GPC5: variants seen among roughly 807,000 people sequenced by gnomAD.
GPC5 encodes the protein glypican 5, also known as glypican-5.
A neutral mutation model predicts 53.9 loss-of-function variants in GPC5; 47 were observed. That is an observed-to-expected ratio of 0.87 (90% CI 0.69 to 1.11). The LOEUF (loss-of-function observed/expected upper bound fraction) is 1.11. GPC5 is among the 50% of genes most tolerant of loss of function. The probability of loss-of-function intolerance (pLI) is 0.00; values close to 1 mark genes in which losing one functional copy is unlikely to be tolerated. For synonymous variants in GPC5, 286 were observed against 263.3 expected, an observed-to-expected ratio of 1.09 and a Z score of -0.84; for missense variants, 748 against 713.1, an observed-to-expected ratio of 1.05 and a Z score of -0.56.
intron 7 of GPC5, among the ~76,000 whole-genome samples, chr13:92,745,821 G>A (rs576076805): frequency 6.6e-6 from 1 of 152,050 alleles, no homozygotes; most frequent in Non-Finnish European, 1.5e-5. Context: ...TCTCTACATG[G>A]ATTCTGTAAA....
At chr13:91,929,812 A>AT (rs997658410) in intron 6 of GPC5, among the ~76,000 whole-genome samples, 24 of 134,128 alleles carry the variant, frequency 1.8e-4, no homozygotes, top group African/African-American at 2.3e-4. Context: ...CAGATTTTCT[A>AT]TTTTTTTTTT....
At chr13:92,801,322 C>T (rs1378106398) in intron 7 of GPC5, among the ~76,000 whole-genome samples, 1 of 151,664 alleles carries the variant, frequency 6.6e-6, no homozygotes, top group East Asian at 1.9e-4. Context: ...TGAAAAATTC[C>T]TATTGCCTGG....
chr13:91,558,191 T>G (rs906739591), intron 2 of GPC5, among the ~76,000 whole-genome samples: 10 of 152,062 alleles, frequency 6.6e-5, no homozygotes, highest in African/African-American at 1.9e-4. Flanking sequence ...AAACAATTCT[T>G]GGTGAGTAAG....
chr13:91,526,283 A>G (rs1242619257), intron 2 of GPC5, among the ~76,000 whole-genome samples: 1 of 152,188 alleles, frequency 6.6e-6, no homozygotes, highest in East Asian at 1.9e-4. Context: ...CCTGAGAAAT[A>G]CACTATGCTA....
chr13:91,953,214 T>A (rs1177274964), intron 6 of GPC5, among the ~76,000 whole-genome samples: 4 of 152,154 alleles, frequency 2.6e-5, no homozygotes, highest in African/African-American at 9.7e-5. Context: ...CATTGGCTAA[T>A]TTTGCAGATA....
intron 2 of GPC5, among the ~76,000 whole-genome samples, chr13:91,650,255 C>G (rs2034665524): frequency 6.6e-6 from 1 of 152,094 alleles, no homozygotes; most frequent in Non-Finnish European, 1.5e-5. Context: ...CAGTGTCATC[C>G]TACCCTTCAT....
chr13:92,643,597 A>T (rs1332366112), intron 7 of GPC5, among the ~76,000 whole-genome samples: 1 of 141,874 alleles, frequency 7.0e-6, no homozygotes, highest in Non-Finnish European at 1.5e-5. Context: ...TGAAATTGGA[A>T]ATCATCATTC....
intron 6 of GPC5, among the ~76,000 whole-genome samples, chr13:92,141,517 G>A (rs2041830438): frequency 6.6e-6 from 1 of 152,156 alleles, no homozygotes. Flanking sequence ...CTCTCATTCT[G>A]AGAAACATGC....
intron 1 of GPC5, among the ~76,000 whole-genome samples, chr13:91,423,159 T>C (rs1470206977): frequency 1.3e-5 from 2 of 152,196 alleles, no homozygotes; most frequent in Admixed American, 1.3e-4. Context: ...GTAGGCTAAA[T>C]ATAAAAACTA....
At chr13:92,710,435 T>C (rs945686870) in intron 7 of GPC5, among the ~76,000 whole-genome samples, 1 of 152,176 alleles carries the variant, frequency 6.6e-6, no homozygotes, top group Non-Finnish European at 1.5e-5. Context: ...GTTATCAGAA[T>C]TGCAAAAAAT....
intron 2 of GPC5, among the ~76,000 whole-genome samples, chr13:91,647,067 ATGCG>A (rs770230230): frequency 4.7e-5 from 6 of 127,662 alleles, no homozygotes; most frequent in East Asian, 4.6e-4. Flanking sequence ...TAATATATAT[ATGCG>A]TGTGTGTGTG....
At chr13:91,527,334 G>A (rs921989083) in intron 2 of GPC5, among the ~76,000 whole-genome samples, 5 of 152,200 alleles carry the variant, frequency 3.3e-5, no homozygotes, top group Non-Finnish European at 7.3e-5. Context: ...TAGGCCTTAT[G>A]CAAGTCCGAA....
chr13:91,439,182 G>T (rs1313289988), intron 1 of GPC5, among the ~76,000 whole-genome samples: 1 of 152,220 alleles, frequency 6.6e-6, no homozygotes, highest in Non-Finnish European at 1.5e-5. Context: ...CTCAACCAGA[G>T]ATGGTTATAC....
intron 2 of GPC5, among the ~76,000 whole-genome samples, chr13:91,550,235 G>A (rs2030553150): frequency 6.6e-6 from 1 of 152,086 alleles, no homozygotes. Context: ...AGGGATTTTG[G>A]TGGAGTGGGG....
intron 6 of GPC5, among the ~76,000 whole-genome samples, chr13:91,938,736 C>G (rs1429034841): frequency 6.6e-6 from 1 of 152,108 alleles, no homozygotes; most frequent in Admixed American, 6.6e-5. Flanking sequence ...AACTTGCCTC[C>G]TACTTACATC....
At chr13:91,777,856 A>G (rs1266871762) in intron 5 of GPC5, among the ~76,000 whole-genome samples, 4 of 152,276 alleles carry the variant, frequency 2.6e-5, no homozygotes, top group Non-Finnish European at 4.4e-5. Context: ...ATATGGTCAG[A>G]TGACTTCCTC....
chr13:92,734,691 T>C (rs1347617538), intron 7 of GPC5, among the ~76,000 whole-genome samples: 3 of 151,872 alleles, frequency 2.0e-5, no homozygotes, highest in Non-Finnish European at 4.4e-5. Context: ...ATTTTCAAAT[T>C]AGAAAATGTA....
intron 7 of GPC5, among the ~76,000 whole-genome samples, chr13:92,830,632 G>A (rs976873447): frequency 6.6e-6 from 1 of 152,002 alleles, no homozygotes; most frequent in Admixed American, 6.6e-5. Context: ...TTTTAAAAAA[G>A]CTTTATATTA....
intron 7 of GPC5, among the ~76,000 whole-genome samples, chr13:92,663,854 CACTATATATATATATA>C (rs1566351019): frequency 2.7e-5 from 2 of 75,310 alleles, no homozygotes; most frequent in African/African-American, 5.1e-5. Context: ...TACACACACA[CACTATATATATATATA>C]TATATATATA....
Sources: gnomAD v4.1 joint callset for allele counts (sites outside exome capture counted in the v4.1 genomes callset) on GRCh38, gnomAD v4.1.1 for gene constraint, MANE v1.5 for transcripts, NCBI Gene and HGNC (gene_info 2026-07-23, HGNC 2026-07-21) for gene names.